NFIC: variants seen among roughly 807,000 people sequenced by gnomAD.
The protein encoded by NFIC is nuclear factor I C.
Under a neutral mutation model 54.4 loss-of-function variants are expected in NFIC, and 12 were observed. That is an observed-to-expected ratio of 0.22 (90% CI 0.14 to 0.36). NFIC has a LOEUF of 0.36. Ranked by LOEUF, NFIC falls within the 10% of genes least tolerant of loss-of-function variation. The pLI is 1.00. For synonymous variants in NFIC, 322 were observed against 319.2 expected (o/e 1.01, Z -0.09); for missense variants, 575 against 718.2 (o/e 0.80, Z 2.28).
At chr19:3,441,179 C>T (rs181299579) in intron 6 of NFIC, among the ~76,000 whole-genome samples, 1,640 of 152,302 alleles carry the variant, frequency 0.011, 18 homozygotes, top group Non-Finnish European at 0.014. Context: ...GCCTGGCAGG[C>T]ACCTCATTTT....
At position 3,452,583 on chromosome 19, in the gene NFIC, T is replaced by C; in HGVS notation, c.1186T>C (p.Tyr396His). Residue 396 changes from tyrosine (Y) to histidine (H), a missense_variant, in exon 8 of 11, where the codon TAC (tyrosine) becomes CAC (histidine). Tyr to His is a moderately conservative substitution (Grantham distance 83). Coordinates refer to ENST00000443272, the MANE Select transcript of NFIC (RefSeq NM_001245002.2). The surrounding 1 kb of genome is among the most constrained non-coding windows in gnomAD (Gnocchi z 5.3). ...CTACTTCCCCCACACGGCCATCCGCTACCCACCTCATCTCAACCCCCAGGA... is the reference window on the plus strand; with the variant it reads ...CTACTTCCCCCACACGGCCATCCGCCACCCACCTCATCTCAACCCCCAGGA... ...STYFPHTAIR[Y>H]PPHLNPQDPL... is the part of the protein sequence containing the mutation. 1 of 1,613,848 alleles carries C rather than the reference T, an allele frequency of 6.2e-7. No homozygotes were observed. The highest frequency in any genetic ancestry group is 1.1e-5 in the South Asian group (1 of 91,080).
At chr19:3,406,737 A>G (rs2081655525) in intron 2 of NFIC, among the ~76,000 whole-genome samples, 2 of 152,162 alleles carry the variant, frequency 1.3e-5, no homozygotes, top group South Asian at 4.1e-4. Context: ...CCCTGTGGTC[A>G]CATTTTTCAG....
rs1402548726 is a variant in NFIC at position 3,463,431 on chromosome 19, C to T, written c.*662C>T. On this transcript the variant is annotated 3_prime_UTR_variant, in exon 11 of 11. Transcript: ENST00000443272. ...AGTGGTGTCGCGGGGGTGCGTGGCG[C>T]TTGCGAGCCCTGGCCAGGGGAGGAA... The T allele has an allele frequency of 1.4e-5, 14 of 985,426 alleles. No homozygotes were observed. The Admixed American group carries it at 8.0e-4, about 56-fold the overall frequency. The allele number at this position is 985,426 out of a possible 1,614,324, so 61.0% of individuals were successfully genotyped here. A position where few individuals can be genotyped will look rare whatever the true frequency, so the allele number is the denominator to read the frequency against.
rs1280429927 is a variant in NFIC at position 3,458,252 on chromosome 19, T to A, written c.1509+1617T>A. 1.3e-5 allele frequency among the ~76,000 whole-genome samples: 2 copies of A among 151,928 alleles called. No homozygotes were observed. Among genetic ancestry groups the A allele is most frequent in the African/African-American group, 4.8e-5 (2 of 41,346 alleles). ...ATTTGGGCCCCCTATGGCCAACCTC[T>A]CCCCCGCCTGGTGCTGATGGAGCCC... On this transcript the variant is annotated intron_variant, in intron 10 of 10. Coordinates refer to ENST00000443272, the MANE Select transcript of NFIC (RefSeq NM_001245002.2). The surrounding 1 kb of genome is among the most constrained non-coding windows in gnomAD (Gnocchi z 4.1).
intron 6 of NFIC, among the ~76,000 whole-genome samples, chr19:3,443,095 C>T (rs2082318407): frequency 6.6e-6 from 1 of 152,314 alleles, no homozygotes; most frequent in South Asian, 2.1e-4. Context: ...GAGCCAGCCC[C>T]AATGTCTACA....
At chr19:3,363,724 G>C (rs1172481025), upstream of NFIC, among the ~76,000 whole-genome samples, 1 of 152,216 alleles carries the variant, frequency 6.6e-6, no homozygotes, top group Non-Finnish European at 1.5e-5. Context: ...CTCAGCCAGG[G>C]TTGATTCTGT....
chr19:3,442,561 A>G (rs1259268898), intron 6 of NFIC, among the ~76,000 whole-genome samples: 1 of 151,812 alleles, frequency 6.6e-6, no homozygotes, highest in Non-Finnish European at 1.5e-5. Flanking sequence ...TAATTTGTGT[A>G]TTTTTAGTAG....
intron 1 of NFIC, among the ~76,000 whole-genome samples, chr19:3,368,891 TTC>T (rs570564683): frequency 6.7e-6 from 1 of 149,022 alleles, no homozygotes; most frequent in Non-Finnish European, 1.5e-5. Context: ...CTTTCTCTCT[TTC>T]TCTCTGTCTT....
intron 10 of NFIC, among the ~76,000 whole-genome samples, chr19:3,462,104 G>A (rs2082649660): frequency 1.3e-5 from 2 of 149,976 alleles, no homozygotes; most frequent in African/African-American, 4.9e-5. Flanking sequence ...GTTCCAGACT[G>A]GGAGTGCTGG....
intron 2 of NFIC, among the ~76,000 whole-genome samples, chr19:3,395,811 C>T (rs1238297766): frequency 6.6e-6 from 1 of 151,764 alleles, no homozygotes; most frequent in Admixed American, 6.6e-5. Flanking sequence ...CTCCCGAGTA[C>T]CTGGGATTAC....
At chr19:3,437,381 A>G (rs2082220368) in intron 6 of NFIC, among the ~76,000 whole-genome samples, 1 of 151,236 alleles carries the variant, frequency 6.6e-6, no homozygotes, top group Non-Finnish European at 1.5e-5. Flanking sequence ...AAAAAAAAAA[A>G]ATTCCTGTCT....
At chr19:3,426,860 G>T (rs2082035066) in intron 3 of NFIC, among the ~76,000 whole-genome samples, 1 of 151,168 alleles carries the variant, frequency 6.6e-6, no homozygotes, top group African/African-American at 2.4e-5. Flanking sequence ...CAGCTCAAAT[G>T]CCCCCTTCTC....
chr19:3,368,055 C>T (rs1440784342), intron 1 of NFIC, among the ~76,000 whole-genome samples: 1 of 132,468 alleles, frequency 7.5e-6, no homozygotes, highest in Non-Finnish European at 1.7e-5. Flanking sequence ...GTTTCCCTTT[C>T]TGAGCAGCTT....
In NFIC at chr19:3,435,012, A is replaced by C. The variant is rs567568780; in HGVS notation, c.834-71A>C. The C allele has an allele frequency of 3.4e-6, 5 of 1,478,604 alleles. No homozygotes were observed. In the South Asian group the frequency reaches 6.6e-5, roughly 19 times the overall value. 91.6% of individuals were successfully genotyped at this position (1,478,604 alleles called of 1,614,324 possible). ...CGCTCACTTAAGGACCGGAAGTAGCAAAGCCCGCCGTCGCGCCCCCCGCCC... is the reference window on the plus strand; with the variant it reads ...CGCTCACTTAAGGACCGGAAGTAGCCAAGCCCGCCGTCGCGCCCCCCGCCC... On this transcript the variant is annotated intron_variant, in intron 5 of 10. Transcript: ENST00000443272.
At chr19:3,454,643 G>A (rs531573286) in intron 9 of NFIC, among the ~76,000 whole-genome samples, 2 of 151,662 alleles carry the variant, frequency 1.3e-5, no homozygotes, top group African/African-American at 4.8e-5. Flanking sequence ...TGCAGGCTTG[G>A]GTGGGTCACC....
At chr19:3,377,333 CAAAAA>C (rs71164684) in intron 1 of NFIC, among the ~76,000 whole-genome samples, 7 of 57,862 alleles carry the variant, frequency 1.2e-4, no homozygotes, top group Admixed American at 5.5e-4. Flanking sequence ...GACTCTGTCT[CAAAAA>C]AAAAAAAAAA....
At chr19:3,390,364 T>C (rs973606562) in intron 2 of NFIC, among the ~76,000 whole-genome samples, 1 of 151,982 alleles carries the variant, frequency 6.6e-6, no homozygotes, top group Non-Finnish European at 1.5e-5. Flanking sequence ...ACGTCAGTGG[T>C]AAAGAGGGAC....
intron 1 of NFIC, among the ~76,000 whole-genome samples, chr19:3,374,690 G>C (rs1331976964): frequency 6.6e-6 from 1 of 152,168 alleles, no homozygotes; most frequent in Non-Finnish European, 1.5e-5. Flanking sequence ...GTAGGAGTTT[G>C]GGAGGATTTT....
intron 6 of NFIC, among the ~76,000 whole-genome samples, chr19:3,441,994 C>T (rs1418048607): frequency 2.0e-5 from 3 of 152,202 alleles, no homozygotes; most frequent in African/African-American, 7.2e-5. Flanking sequence ...CTCTGGCGGA[C>T]TCGGGGCCTT....
Sources: allele counts gnomAD v4.1 joint callset (sites outside exome capture counted in the v4.1 genomes callset), GRCh38; gene constraint gnomAD v4.1.1; non-coding constraint Gnocchi (gnomAD v3.1); transcripts MANE v1.5; gene names NCBI Gene and HGNC (gene_info 2026-07-23, HGNC 2026-07-21).